Variants in WNK4 observed in about 807,000 individuals in gnomAD.
The protein encoded by WNK4 is serine/threonine-protein kinase WNK4.
A neutral mutation model predicts 116.2 loss-of-function variants in WNK4; 94 were observed. The observed-to-expected ratio is 0.81, with a 90% CI of 0.68 to 0.96. WNK4 has a LOEUF of 0.96. Ranked by LOEUF, WNK4 falls within the 40% of genes least tolerant of loss-of-function variation. The pLI, the probability that WNK4 is intolerant of heterozygous loss-of-function variation, is 0.00. For synonymous variants in WNK4, 655 were observed against 672.7 expected (o/e 0.97, Z 0.41); for missense variants, 1,542 against 1,650.6 (o/e 0.93, Z 1.14).
intron 6 of WNK4, among the ~76,000 whole-genome samples, chr17:42,786,026 C>T (rs1017014674): frequency 3.3e-5 from 5 of 152,198 alleles, no homozygotes; most frequent in South Asian, 2.1e-4. Flanking sequence ...GTGCTTGGCA[C>T]ATAGTAAGAG....
chr17:42,787,257 C>T (rs371099235), intron 6 of WNK4, 21 bp from the exon 7 acceptor site: 5 of 1,613,168 alleles, frequency 3.1e-6, no homozygotes, highest in Non-Finnish European at 3.4e-6. Flanking sequence ...CTGTGTTCCT[C>T]ATCCCCCACC....
At position 42,784,690 on chromosome 17, in the gene WNK4, C is replaced by A; in HGVS notation, c.1170+111C>A. On this transcript the variant is annotated intron_variant, in intron 4 of 18. Transcript: ENST00000246914. The surrounding 1 kb of genome is among the most constrained non-coding windows in gnomAD (Gnocchi z 4.4). ...TGCCTGCACGAAAACAGGCTAGACACAGAGTCGCCTTGGTGAACACAGAAG... is the reference window on the plus strand; with the variant it reads ...TGCCTGCACGAAAACAGGCTAGACAAAGAGTCGCCTTGGTGAACACAGAAG... 1 of 1,408,586 alleles carries A rather than the reference C, an allele frequency of 7.1e-7. No homozygotes were observed. Among genetic ancestry groups the A allele is most frequent in the Non-Finnish European group, 9.8e-7 (1 of 1,020,080 alleles). The allele number at this position is 1,408,586 out of a possible 1,614,324, so 87.3% of individuals were successfully genotyped here.
chr17:42,785,218 A>G (rs1282504117), intron 5 of WNK4, 33 bp downstream of exon 5: 1 of 1,610,020 alleles, frequency 6.2e-7, no homozygotes, highest in African/African-American at 1.3e-5. Context: ...TGGGTAGAAT[A>G]GGGCCGCGGG....
Position 42,787,339 on chromosome 17 carries a change from G to C in WNK4, c.1538G>C (p.Arg513Pro). 1 of 1,614,060 alleles carries C rather than the reference G, an allele frequency of 6.2e-7. No homozygotes were observed. Among genetic ancestry groups the C allele is most frequent in the Non-Finnish European group, 8.5e-7 (1 of 1,180,018 alleles). ...CCAGTGGCCCGTGCAGTACGTGAACGGGTTGCTGCCATCCAGCGAAAGCGT... is the reference window on the plus strand; with the variant it reads ...CCAGTGGCCCGTGCAGTACGTGAACCGGTTGCTGCCATCCAGCGAAAGCGT... ...YQPVARAVRE[R>P]VAAIQRKREK... The change falls in exon 7 of 19, where the codon CGG (arginine) becomes CCG (proline). Residue 513 changes from arginine (R) to proline (P), a missense_variant. Transcript: ENST00000246914.
chr17:42,793,194 G>A (rs1226233021), intron 11 of WNK4, among the ~76,000 whole-genome samples: 1 of 152,142 alleles, frequency 6.6e-6, no homozygotes, highest in African/African-American at 2.4e-5. Context: ...GTGGTTGGCA[G>A]GAGCAGTAGT....
chr17:42,785,632 C>A, intron 6 of WNK4, 150 bp downstream of exon 6: 1 of 1,018,534 alleles, frequency 9.8e-7, no homozygotes, highest in Non-Finnish European at 1.5e-6. Context: ...GTCTCCCTAC[C>A]TCTCCAGCCC....
Position 42,782,761 on chromosome 17 carries a change from C to T in WNK4, c.622C>T (p.Arg208Trp), listed in dbSNP as rs201212813. 7.5e-5 allele frequency: 121 copies of T among 1,614,034 alleles called. No homozygotes were observed. Among genetic ancestry groups the T allele is most frequent in the Non-Finnish European group, 9.8e-5 (116 of 1,180,014 alleles). ...ACACCCGTCCCCCATCCCACAGACT[C>T]GGAAACTGTCTAGAGCTGAGCGGCA... ...VEVAWCELQT[R>W]KLSRAERQRF... The change falls in exon 2 of 19, where the codon CGG becomes TGG. Residue 208 changes from arginine to tryptophan, a missense_variant. Physicochemically the swap from Arg to Trp is moderately radical, Grantham distance 101 (BLOSUM62 -3). This residue lies in a region of WNK4 where 44 missense variants were observed against 77.7 expected (regional missense o/e 0.57). Transcript: ENST00000246914. This position sits in a 1 kb window ranked among gnomAD's most constrained non-coding sequence, Gnocchi z 4.2.
rs2144084164 is a variant in WNK4 at position 42,795,286 on chromosome 17, C to T, written c.2865C>T (p.Ala955=). 2 of 1,613,970 alleles carry T rather than the reference C, an allele frequency of 1.2e-6. No homozygotes were observed. Residue 955 remains alanine, a synonymous_variant, in exon 14 of 19, where the codon GCC becomes GCT. Coordinates refer to ENST00000246914, the MANE Select transcript of WNK4 (RefSeq NM_032387.5). ...SPGLLSQSPP[A]PPSPLPSLPL... is the part of the protein sequence containing the mutation. ...GGCTCCTTTCCCAGTCTCCTCCAGC[C>T]CCTCCTAGTCCCCTCCCTAGCCTGC... is the stretch of plus-strand genomic sequence containing the variant.
chr17:42,793,907 C>T lies in WNK4; in HGVS notation c.2295+178C>T, dbSNP rs1358198332. On this transcript the variant is annotated intron_variant, in intron 12 of 18. Transcript: ENST00000246914. ...TCACTCTGTCGCCCAGGCTGGAGTGCAGTGGCACGATCTCGGCTCACTGCA... is the reference window on the plus strand; with the variant it reads ...TCACTCTGTCGCCCAGGCTGGAGTGTAGTGGCACGATCTCGGCTCACTGCA... The T allele has an allele frequency of 2.2e-5, 16 of 731,272 alleles. No homozygotes were observed. In the East Asian group the frequency reaches 3.0e-4, roughly 14 times the overall value. The allele number at this position is 731,272 out of a possible 1,614,324, so 45.3% of individuals were successfully genotyped here.
Position 42,784,928 on chromosome 17 carries a change from G to GT in WNK4, c.1171-169_1171-168insT, listed in dbSNP as rs2054527617. Among the ~76,000 whole-genome samples the GT allele has an allele frequency of 1.4e-5, 1 of 71,906 alleles. No individual in the cohort carries two copies. The highest frequency in any genetic ancestry group is 4.1e-5 in the Non-Finnish European group (1 of 24,450). The allele number at this position is 71,906 out of a possible 152,430, so 47.2% of individuals were successfully genotyped here. On this transcript the variant is annotated intron_variant, in intron 4 of 18. Transcript: ENST00000246914. The surrounding 1 kb of genome is among the most constrained non-coding windows in gnomAD (Gnocchi z 4.4). ...TTCAAGATCACACTGTAAATACTTGGGGGGGGGGCGGGGATTAGGATTTGA... is the reference window on the plus strand; with the variant it reads ...TTCAAGATCACACTGTAAATACTTGGTGGGGGGGGCGGGGATTAGGATTTGA...
Position 42,781,015 on chromosome 17 carries a change from C to T in WNK4, c.317C>T (p.Pro106Leu). Residue 106 changes from proline to leucine, a missense_variant, in exon 1 of 19, where the codon CCC (proline) becomes CTC (leucine). By Grantham distance (98) the Pro-to-Leu change is moderately conservative (BLOSUM62 -3). Transcript: ENST00000246914. ...RSPPPSSKEP[P>L]EGTWTEGAPV... ...CCACCGCCTAGCTCCAAAGAACCCC[C>T]CGAGGGCACGTGGACCGAGGGAGCC... The T allele has an allele frequency of 1.2e-6, 2 of 1,610,564 alleles. No homozygotes were observed. The highest frequency in any genetic ancestry group is 2.2e-5 in the South Asian group (2 of 91,006).
chr17:42,793,864 T>C, intron 12 of WNK4, 135 bp downstream of exon 12: 2 of 1,210,380 alleles, frequency 1.7e-6, no homozygotes, highest in Non-Finnish European at 1.2e-6. Flanking sequence ...CGCTTTTTTT[T>C]TTTTTTGAGA....
Position 42,780,790 on chromosome 17 carries a change from C to CG in WNK4, c.96dup (p.Gln33AlafsTer19). The CG allele has an allele frequency of 6.2e-7, 1 of 1,603,898 alleles. No homozygotes were observed. Among genetic ancestry groups the CG allele is most frequent in the Non-Finnish European group, 8.5e-7 (1 of 1,178,344 alleles). ...CGGCCCCCGCCTCCTCTTGGCACCG[C>CG]GGGGCAGCCCCGCCTCGGGCCCCCT... On this transcript the variant is annotated frameshift_variant, in exon 1 of 19. Transcript: ENST00000246914. LOFTEE classifies it high-confidence loss of function.
Position 42,794,956 on chromosome 17 carries a change from C to A in WNK4, c.2535C>A (p.Pro845=), listed in dbSNP as rs541874705. ...ATCCCAGCCCCTCCCCATTCTCCCCCATTTCTTCCCAGGTCTCCTCAAATC... is the reference window on the plus strand; with the variant it reads ...ATCCCAGCCCCTCCCCATTCTCCCCAATTTCTTCCCAGGTCTCCTCAAATC... The part of the protein sequence containing the change: ...PCHPSPSPFS[P]ISSQVSSNPS... The change falls in exon 14 of 19, where the codon CCC becomes CCA. Residue 845 remains proline (P), a synonymous_variant. Transcript: ENST00000246914. 1 of 1,612,900 alleles carries A rather than the reference C, an allele frequency of 6.2e-7. No individual in the cohort carries two copies. Among genetic ancestry groups the A allele is most frequent in the South Asian group, 1.1e-5 (1 of 90,998 alleles).
Position 42,796,739 on chromosome 17 carries a change from C to G in WNK4, c.*51C>G. The G allele has an allele frequency of 6.2e-7, 1 of 1,614,184 alleles. No homozygotes were observed. Among genetic ancestry groups the G allele is most frequent in the African/African-American group, 1.3e-5 (1 of 75,044 alleles). ...CCCCACACCAGGGCCCACCATGGAG[C>G]TTGTGTTCTCAGAATCTGATGCTTT... On this transcript the variant is annotated 3_prime_UTR_variant, in exon 19 of 19. Transcript: ENST00000246914.
At chr17:42,787,129 G>A (rs1474362932) in intron 6 of WNK4, 149 bp from the exon 7 acceptor site, 1 of 1,159,906 alleles carries the variant, frequency 8.6e-7, no homozygotes, top group East Asian at 2.6e-5. Flanking sequence ...TGATGATAAT[G>A]TAAGGAGCTG....
Position 42,782,151 on chromosome 17 carries a change from GCCGCGC to G in WNK4, c.619-604_619-599del, listed in dbSNP as rs1039575131. The stretch of plus-strand genomic sequence containing the variant: ...GGGCTCGCCCCTTGCGCCTGCCAGT[GCCGCGC>G]CCCAGGCTCTGGGCCAGGCCAGGAG... On this transcript the variant is annotated intron_variant, in intron 1 of 18. Coordinates refer to ENST00000246914, the MANE Select transcript of WNK4 (RefSeq NM_032387.5). This position sits in a 1 kb window ranked among gnomAD's most constrained non-coding sequence, Gnocchi z 4.2. Among the ~76,000 whole-genome samples the G allele has an allele frequency of 3.3e-5, 5 of 151,846 alleles. No homozygotes were observed. The highest frequency in any genetic ancestry group is 1.2e-4 in the African/African-American group (5 of 41,318).
At chr17:42,785,033 G>C in intron 4 of WNK4, 64 bp from the exon 5 acceptor site, 3 of 1,521,952 alleles carry the variant, frequency 2.0e-6, no homozygotes, top group Non-Finnish European at 2.7e-6. Context: ...AAGGGGTGGG[G>C]GGTGGTGTCA....
intron 11 of WNK4, among the ~76,000 whole-genome samples, chr17:42,790,953 CA>C (rs2054601383): frequency 6.6e-6 from 1 of 152,184 alleles, no homozygotes; most frequent in South Asian, 2.1e-4. Flanking sequence ...CACCTTCCGT[CA>C]AACCACTTGA....
Sources: gnomAD v4.1 joint callset for allele counts (sites outside exome capture counted in the v4.1 genomes callset) on GRCh38, gnomAD v4.1.1 for gene constraint, gnomAD v4.1.1 regional missense constraint, Gnocchi (gnomAD v3.1) non-coding constraint, MANE v1.5 for transcripts, NCBI Gene and HGNC (gene_info 2026-07-23, HGNC 2026-07-21) for gene names.